The following SPSB1 variants were observed in gnomAD, a reference collection of about 807,000 sequenced individuals.
SPSB1 encodes the protein SPRY domain-containing SOCS box protein 1.
A neutral mutation model predicts 21.2 loss-of-function variants in SPSB1; 8 were observed. The ratio of observed to expected loss-of-function variants is 0.38; its 90% confidence interval spans 0.22 to 0.68. The LOEUF (loss-of-function observed/expected upper bound fraction) is 0.68. Among genes scored for constraint, SPSB1 ranks in the 30% least tolerant of loss-of-function variants. SPSB1 has a pLI of 0.53. For missense variants in SPSB1, 242 were observed against 377.8 expected (o/e 0.64, Z 2.98); for synonymous variants, 169 against 161.7 (o/e 1.05, Z -0.34).
intron 1 of SPSB1, among the ~76,000 whole-genome samples, chr1:9,337,598 C>T (rs370953652): frequency 3.9e-5 from 6 of 152,172 alleles, no homozygotes; most frequent in Admixed American, 2.0e-4. Flanking sequence ...GTGAGTGCAG[C>T]GCCTCCAGCC....
At chr1:9,341,318 G>A (rs1214814421) in intron 1 of SPSB1, among the ~76,000 whole-genome samples, 2 of 152,218 alleles carry the variant, frequency 1.3e-5, no homozygotes, top group Non-Finnish European at 2.9e-5. Context: ...GTGGGGGAGA[G>A]TTCGGAGATG....
intron 2 of SPSB1, among the ~76,000 whole-genome samples, chr1:9,362,639 G>A: frequency 6.6e-6 from 1 of 152,204 alleles, no homozygotes; most frequent in East Asian, 1.9e-4. Flanking sequence ...CCGTGAACTG[G>A]GCACAGCACC....
chr1:9,306,630 C>T (rs1639416196), intron 1 of SPSB1, among the ~76,000 whole-genome samples: 1 of 152,182 alleles, frequency 6.6e-6, no homozygotes, highest in African/African-American at 2.4e-5. Flanking sequence ...GAGCTGGGAG[C>T]TGAGCCCCAG....
At chr1:9,301,278 C>T (rs932391671) in intron 1 of SPSB1, among the ~76,000 whole-genome samples, 3 of 152,074 alleles carry the variant, frequency 2.0e-5, no homozygotes, top group Non-Finnish European at 4.4e-5. Context: ...TTGCTTGAGC[C>T]CAAGGAGTTC....
At position 9,363,755 on chromosome 1, in the gene SPSB1, A is replaced by C. The variant is rs1343436469; in HGVS notation, c.695-3693A>C. 6.6e-6 allele frequency among the ~76,000 whole-genome samples: 1 copy of C among 151,888 alleles called. No homozygotes were observed. The highest frequency in any genetic ancestry group is 6.6e-5 in the Admixed American group (1 of 15,250). Reference sequence around the variant, plus strand: ...CATTCTGTCACCCAGGCTGTAGTGCAGTGGCGCAATCTCAGCTCACTGCAA... The same window carrying C: ...CATTCTGTCACCCAGGCTGTAGTGCCGTGGCGCAATCTCAGCTCACTGCAA... On this transcript the variant is annotated intron_variant, in intron 2 of 2. Coordinates refer to ENST00000328089, the MANE Select transcript of SPSB1 (RefSeq NM_025106.4). The surrounding 1 kb of genome is among the most constrained non-coding windows in gnomAD (Gnocchi z 4.5).
chr1:9,356,024 C>T lies in SPSB1; in HGVS notation c.133C>T (p.Pro45Ser), dbSNP rs1434211687. ...GCTGGATCTGCTACTGGACATGCCC[C>T]CTGTGTCCTATGATGTCCAGCTGCT... is the stretch of plus-strand genomic sequence containing the variant. Reference protein sequence around the residue: ...TRLDLLLDMPPVSYDVQLLHS... With the variant: ...TRLDLLLDMPSVSYDVQLLHS... The change falls in exon 2 of 3, where the codon CCT becomes TCT. Residue 45 changes from proline (P) to serine (S), a missense_variant. By Grantham distance (74) the Pro-to-Ser change is moderately conservative (BLOSUM62 -1). Coordinates refer to ENST00000328089, the MANE Select transcript of SPSB1 (RefSeq NM_025106.4). The surrounding 1 kb of genome is among the most constrained non-coding windows in gnomAD (Gnocchi z 7.4). 1.1e-5 allele frequency: 18 copies of T among 1,614,060 alleles called. No individual in the cohort carries two copies. Among genetic ancestry groups the T allele is most frequent in the Admixed American group, 1.7e-5 (1 of 60,014 alleles).
chr1:9,298,005 G>A (rs1006607285), intron 1 of SPSB1, among the ~76,000 whole-genome samples: 1 of 152,234 alleles, frequency 6.6e-6, no homozygotes, highest in Admixed American at 6.5e-5. Flanking sequence ...TGCAACGGGA[G>A]TAATTGCATT....
chr1:9,302,610 C>T (rs1007135191), intron 1 of SPSB1, among the ~76,000 whole-genome samples: 3 of 152,128 alleles, frequency 2.0e-5, no homozygotes, highest in African/African-American at 4.8e-5. Context: ...GGGACTCGTA[C>T]GAGTGGTCTC....
chr1:9,321,132 C>T lies in SPSB1; in HGVS notation c.-150+28061C>T, dbSNP rs993838220. Among the ~76,000 whole-genome samples the T allele has an allele frequency of 6.6e-6, 1 of 151,514 alleles. No homozygotes were observed. The highest frequency in any genetic ancestry group is 2.4e-5 in the African/African-American group (1 of 41,174). On this transcript the variant is annotated intron_variant, in intron 1 of 2. Transcript: ENST00000328089. The surrounding 1 kb of genome is among the most constrained non-coding windows in gnomAD (Gnocchi z 4.8). ...TACCCCTCCCCCGAAAAGAAAACAA[C>T]AACCAAAAAATCCCCCCAAAACACA...
intron 1 of SPSB1, among the ~76,000 whole-genome samples, chr1:9,297,175 T>G (rs1639238587): frequency 6.6e-6 from 1 of 152,224 alleles, no homozygotes; most frequent in African/African-American, 2.4e-5. Context: ...AAGCTTAGCC[T>G]GACCCTCTTG....
intron 1 of SPSB1, among the ~76,000 whole-genome samples, chr1:9,326,268 C>T (rs539491519): frequency 6.6e-6 from 1 of 152,294 alleles, no homozygotes; most frequent in East Asian, 1.9e-4. Flanking sequence ...CCCAGCACCA[C>T]CCCAAGGGCT....
In SPSB1 at chr1:9,293,556, C is replaced by G. The variant is rs1472582965; in HGVS notation, c.-150+485C>G. Among the ~76,000 whole-genome samples the G allele has an allele frequency of 2.6e-5, 4 of 152,042 alleles. No homozygotes were observed. The highest frequency in any genetic ancestry group is 2.0e-4 in the Admixed American group (3 of 15,274). On this transcript the variant is annotated intron_variant, in intron 1 of 2. Coordinates refer to ENST00000328089, the MANE Select transcript of SPSB1 (RefSeq NM_025106.4). The surrounding 1 kb of genome is among the most constrained non-coding windows in gnomAD (Gnocchi z 5.1). ...GGCCCGGTCCCCCGTCGGGGCGCCCCCACCCTCCCGCAGCGCCTCCCCCAG... is the reference window on the plus strand; with the variant it reads ...GGCCCGGTCCCCCGTCGGGGCGCCCGCACCCTCCCGCAGCGCCTCCCCCAG...
Position 9,317,627 on chromosome 1 carries a change from G to A in SPSB1, c.-150+24556G>A, listed in dbSNP as rs763856037. ...TGGGACCTCAGGTATGCACTACCAC[G>A]CCCAGATATATATATATTTTTGTAT... On this transcript the variant is annotated intron_variant, in intron 1 of 2. Transcript: ENST00000328089. The surrounding 1 kb of genome is among the most constrained non-coding windows in gnomAD (Gnocchi z 4.3). Among the ~76,000 whole-genome samples, 10 of 152,124 alleles carry A rather than the reference G, an allele frequency of 6.6e-5. No individual in the cohort carries two copies. The highest frequency in any genetic ancestry group is 1.3e-4 in the Non-Finnish European group (9 of 67,998).
intron 1 of SPSB1, among the ~76,000 whole-genome samples, chr1:9,336,284 A>G (rs969704674): frequency 6.6e-6 from 1 of 151,734 alleles, no homozygotes; most frequent in African/African-American, 2.4e-5. Context: ...CTGGAGTGCA[A>G]TGGTGTGATC....
intron 1 of SPSB1, among the ~76,000 whole-genome samples, chr1:9,300,560 G>A (rs1639311463): frequency 6.6e-6 from 1 of 152,202 alleles, no homozygotes; most frequent in African/African-American, 2.4e-5. Context: ...CCTTTTGAGA[G>A]ACAGCTCTTG....
intron 1 of SPSB1, among the ~76,000 whole-genome samples, chr1:9,347,975 C>T (rs1254169851): frequency 4.8e-5 from 7 of 146,140 alleles, no homozygotes; most frequent in Admixed American, 6.9e-5. Context: ...AACAGAATCT[C>T]GCTCTGACGC....
chr1:9,323,162 G>A (rs1329821356), intron 1 of SPSB1, among the ~76,000 whole-genome samples: 1 of 152,244 alleles, frequency 6.6e-6, no homozygotes, highest in African/African-American at 2.4e-5. Context: ...ATGTTGGAGG[G>A]GGGTATCCAT....
At chr1:9,316,624 T>G (rs1639619941) in intron 1 of SPSB1, among the ~76,000 whole-genome samples, 2 of 152,178 alleles carry the variant, frequency 1.3e-5, no homozygotes, top group Non-Finnish European at 2.9e-5. Context: ...TTTGCTACCT[T>G]AGAGCCCACC....
chr1:9,358,535 T>G (rs1640414245), intron 2 of SPSB1, among the ~76,000 whole-genome samples: 1 of 152,172 alleles, frequency 6.6e-6, no homozygotes, highest in Non-Finnish European at 1.5e-5. Context: ...TGGCTGCAGA[T>G]TGGGAGCCCT....
Sources: allele counts gnomAD v4.1 joint callset (sites outside exome capture counted in the v4.1 genomes callset), GRCh38; gene constraint gnomAD v4.1.1; non-coding constraint Gnocchi (gnomAD v3.1); transcripts MANE v1.5; gene names NCBI Gene and HGNC (gene_info 2026-07-23, HGNC 2026-07-21).